Variants in UBE2D3 observed in about 807,000 individuals in gnomAD.
UBE2D3 encodes ubiquitin conjugating enzyme E2 D3.
Under a neutral mutation model 22.8 loss-of-function variants are expected in UBE2D3, and 2 were observed. The observed-to-expected ratio is 0.09, with a 90% confidence interval of 0.04 to 0.28. UBE2D3 has a LOEUF of 0.28. Among genes scored for constraint, UBE2D3 ranks in the 10% least tolerant of loss-of-function variants. UBE2D3 has a pLI of 1.00. For missense variants in UBE2D3, 27 were observed against 182.5 expected, an observed-to-expected ratio of 0.15 and a Z score of 4.91; for synonymous variants, 56 against 60.4, an observed-to-expected ratio of 0.93 and a Z score of 0.34.
chr4:102,810,049 G>C (rs1323911827), intron 2 of UBE2D3, 194 bp from the exon 3 acceptor site: 3 of 550,678 alleles, frequency 5.4e-6, no homozygotes, highest in Non-Finnish European at 9.6e-6. Flanking sequence ...GCTAGAGTTC[G>C]TAAAAATATA....
chr4:102,803,028 A>C (rs530513646), intron 4 of UBE2D3, among the ~76,000 whole-genome samples: 1 of 152,352 alleles, frequency 6.6e-6, no homozygotes, highest in South Asian at 2.1e-4. Flanking sequence ...AAATGGCTTC[A>C]CAACAGTCCA....
intron 1 of UBE2D3, among the ~76,000 whole-genome samples, chr4:102,837,340 T>C (rs1023930962): frequency 6.6e-6 from 1 of 152,200 alleles, no homozygotes; most frequent in Non-Finnish European, 1.5e-5. Context: ...CAATAATAAA[T>C]ACTCAAAACT....
Position 102,826,574 on chromosome 4 carries a change from T to C in UBE2D3, c.-66A>G. ...TGCTCAAAGGTCCGGCCAAAACTCT[T>C]GATTATCCCGGCGGCGGGGCAGGAT... On this transcript the variant is annotated 5_prime_UTR_variant, in exon 2 of 8. Coordinates refer to ENST00000453744, the MANE Select transcript of UBE2D3 (RefSeq NM_181891.3). 1.2e-6 allele frequency: 2 copies of C among 1,606,912 alleles called. No individual in the cohort carries two copies. Among genetic ancestry groups the C allele is most frequent in the Admixed American group, 1.7e-5 (1 of 59,100 alleles).
chr4:102,840,650 A>G (rs1273437308), intron 1 of UBE2D3, among the ~76,000 whole-genome samples: 2 of 152,184 alleles, frequency 1.3e-5, no homozygotes, highest in African/African-American at 4.8e-5. Flanking sequence ...GGAATGTTTA[A>G]TAGCAGAGTA....
intron 1 of UBE2D3, among the ~76,000 whole-genome samples, chr4:102,837,261 T>C (rs1467709778): frequency 6.6e-6 from 1 of 152,228 alleles, no homozygotes; most frequent in African/African-American, 2.4e-5. Flanking sequence ...TGCAGGCTGA[T>C]TGTTAAACAC....
At chr4:102,809,209 C>A in intron 4 of UBE2D3, 2 of 291,406 alleles carry the variant, frequency 6.9e-6, no homozygotes, top group South Asian at 2.6e-5. Flanking sequence ...TCACTTTCTG[C>A]CTAAATATAT....
chr4:102,868,072 C>CTTTTTTTTTTTTTTTTTTTTTTTTTTT, intron 1 of UBE2D3, among the ~76,000 whole-genome samples: 1 of 115,254 alleles, frequency 8.7e-6, no homozygotes, highest in African/African-American at 3.6e-5. Context: ...GCTTTAGATT[C>CTTTTTTTTTTTTTTTTTTTTTTTTTTT]TTTTTTTTTT....
At chr4:102,801,374 T>C in intron 6 of UBE2D3, 80 bp downstream of exon 6, 1 of 1,256,484 alleles carries the variant, frequency 8.0e-7, no homozygotes, top group Non-Finnish European at 1.1e-6. Flanking sequence ...GCTGCCATAA[T>C]AAAAATACTC....
chr4:102,868,708 G>A, intron 1 of UBE2D3: 4 of 1,613,978 alleles, frequency 2.5e-6, no homozygotes, highest in East Asian at 2.2e-5. Flanking sequence ...GACAGCAAGA[G>A]ACTCACTTTT....
chr4:102,811,544 T>C, intron 2 of UBE2D3: 2 of 110,544 alleles, frequency 1.8e-5, no homozygotes, highest in Middle Eastern at 2.3e-3. Flanking sequence ...TAGCCACGCA[T>C]AGTGCACACG....
chr4:102,841,017 T>TA lies in UBE2D3; in HGVS notation c.-128-14382dup, dbSNP rs34074725. ...TCTGGGTGACAGAACAAGACTCTTT[T>TA]AAAAAAAAAAAAAAGTATAGCAATT... On this transcript the variant is annotated intron_variant, in intron 1 of 7. Transcript: ENST00000338145. Among the ~76,000 whole-genome samples the TA allele has an allele frequency of 7.3e-3, 1,027 of 140,510 alleles. 4 individuals are homozygous for TA. The highest frequency in any genetic ancestry group is 7.1e-3 in the Non-Finnish European group (457 of 64,014). The allele number at this position is 140,510 out of a possible 152,430, so 92.2% of individuals were successfully genotyped here.
chr4:102,863,490 G>A (rs1024357641), intron 1 of UBE2D3, among the ~76,000 whole-genome samples: 5 of 151,884 alleles, frequency 3.3e-5, no homozygotes, highest in African/African-American at 1.2e-4. Context: ...AACAACATTG[G>A]GGATCAAATT....
At chr4:102,815,893 A>G (rs1405832115) in intron 2 of UBE2D3, among the ~76,000 whole-genome samples, 2 of 152,116 alleles carry the variant, frequency 1.3e-5, no homozygotes, top group Admixed American at 1.3e-4. Context: ...TTATTTCACC[A>G]CTTTCTTTCT....
intron 6 of UBE2D3, among the ~76,000 whole-genome samples, chr4:102,800,728 C>T (rs1726024650): frequency 6.6e-6 from 1 of 152,034 alleles, no homozygotes; most frequent in African/African-American, 2.4e-5. Context: ...CCATGAGATT[C>T]AAGTGCAGTA....
At chr4:102,820,463 T>G (rs1578257201) in intron 2 of UBE2D3, among the ~76,000 whole-genome samples, 1 of 152,222 alleles carries the variant, frequency 6.6e-6, no homozygotes, top group East Asian at 1.9e-4. Context: ...CTGCACAGTA[T>G]CTCACTGCAT....
chr4:102,802,441 A>T, intron 5 of UBE2D3, 120 bp downstream of exon 5: 2 of 707,380 alleles, frequency 2.8e-6, no homozygotes, highest in Non-Finnish European at 4.5e-6. Flanking sequence ...CAGCATCTAT[A>T]CATGAGTGCA....
intron 7 of UBE2D3, among the ~76,000 whole-genome samples, chr4:102,797,719 T>C (rs1725422874): frequency 6.6e-6 from 1 of 151,896 alleles, no homozygotes; most frequent in Non-Finnish European, 1.5e-5. Flanking sequence ...CTAACAAAAA[T>C]CAAAAGACCC....
chr4:102,809,997 G>T, intron 2 of UBE2D3, 142 bp from the exon 3 acceptor site: 1 of 793,224 alleles, frequency 1.3e-6, no homozygotes, highest in Non-Finnish European at 2.1e-6. Context: ...ATTCCATTAG[G>T]AGAGAGAACA....
intron 2 of UBE2D3, among the ~76,000 whole-genome samples, chr4:102,818,852 A>G (rs1179244222): frequency 3.3e-5 from 5 of 152,064 alleles, no homozygotes; most frequent in Admixed American, 6.6e-5. Flanking sequence ...TCACTATGGG[A>G]TATGGGATTT....
Sources: allele counts gnomAD v4.1 joint callset (sites outside exome capture counted in the v4.1 genomes callset), GRCh38; gene constraint gnomAD v4.1.1; transcripts MANE v1.5; gene names NCBI Gene and HGNC (gene_info 2026-07-23, HGNC 2026-07-21).